Variants in H4C1 observed in about 807,000 individuals in gnomAD.
H4C1 encodes the protein histone H4.
A neutral mutation model predicts 4.4 loss-of-function variants in H4C1; 9 were observed. The observed-to-expected ratio is 2.05, with a 90% CI of 1.23 to 3.57. H4C1 has a LOEUF of 3.57. Among genes scored for constraint, H4C1 ranks in the 30% most tolerant of loss-of-function variants. The pLI, the probability that H4C1 is intolerant of heterozygous loss-of-function variation, is 0.00. For synonymous variants in H4C1, 74 were observed against 57.9 expected, an observed-to-expected ratio of 1.28 and a Z score of -1.27; for missense variants, 124 against 148.8, an observed-to-expected ratio of 0.83 and a Z score of 0.87.
rs1485175588 is a variant in H4C1, at chr6:26,021,887, C to T, written c.209C>T (p.Ala70Val). ...KVFLENVIRDAVTYTEHAKRK... is the reference protein window; with the variant it reads ...KVFLENVIRDVVTYTEHAKRK... The stretch of plus-strand genomic sequence containing the variant: ...TTTTTGGAGAACGTGATCCGTGACG[C>T]TGTCACCTATACGGAGCACGCCAAG... Residue 70 changes from alanine to valine, a missense_variant, in exon 1 of 1, where the codon GCT (alanine) becomes GTT (valine). Physicochemically the swap from Ala to Val is moderately conservative, Grantham distance 64. Coordinates refer to ENST00000617569, the MANE Select transcript of H4C1 (RefSeq NM_003538.4). 1.9e-6 allele frequency: 3 copies of T among 1,614,252 alleles called. No individual in the cohort carries two copies. The highest frequency in any genetic ancestry group is 2.5e-6 in the Non-Finnish European group (3 of 1,180,046).
In H4C1 at chr6:26,021,925, A is replaced by C; in HGVS notation, c.247A>C (p.Thr83Pro). 1 of 1,613,742 alleles carries C rather than the reference A, an allele frequency of 6.2e-7. No individual in the cohort carries two copies. The highest frequency in any genetic ancestry group is 2.2e-5 in the East Asian group (1 of 44,886). ...YTEHAKRKTV[T>P]AMDVVYALKR... is the part of the protein sequence containing the mutation. ...GGAGCACGCCAAGCGCAAGACAGTC[A>C]CTGCCATGGACGTGGTCTACGCGCT... The change falls in exon 1 of 1, where the codon ACT becomes CCT. Residue 83 changes from threonine to proline, a missense_variant. Physicochemically the swap from Thr to Pro is conservative, Grantham distance 38 (BLOSUM62 -1). Coordinates refer to ENST00000617569, the MANE Select transcript of H4C1 (RefSeq NM_003538.4).
At position 26,021,996 on chromosome 6, in the gene H4C1, C is replaced by G. The variant is rs1314515438; in HGVS notation, c.*6C>G. ...TTTATGGCTTTGGCGGTTAAGGTTG[C>G]TGATTTCTCCACAGCTTGCATTTCT... On this transcript the variant is annotated 3_prime_UTR_variant, in exon 1 of 1. Transcript: ENST00000617569. 1.3e-6 allele frequency: 2 copies of G among 1,563,584 alleles called. No homozygotes were observed. The highest frequency in any genetic ancestry group is 1.2e-5 in the South Asian group (1 of 83,382).
rs776045633 is a variant in H4C1 at position 26,021,716 on chromosome 6, AG to A, written c.44del (p.Gly15ValfsTer30). On this transcript the variant is annotated frameshift_variant, in exon 1 of 1. Coordinates refer to ENST00000617569, the MANE Select transcript of H4C1 (RefSeq NM_003538.4). LOFTEE classifies it high-confidence loss of function. ...GGTAAGGGCGGGAAGGGTTTGGGTA[AG>A]GGGGGTGCCAAGCGCCACCGCAAGG... ...GRGKGGKGLG[K>X]GGAKRHRKVL... 5.6e-6 allele frequency: 9 copies of A among 1,613,092 alleles called. No individual in the cohort carries two copies. Among genetic ancestry groups the A allele is most frequent in the Non-Finnish European group, 7.6e-6 (9 of 1,179,362 alleles).
chr6:26,021,942 C>T lies in H4C1; in HGVS notation c.264C>T (p.Val88=), dbSNP rs1401312943. ...KRKTVTAMDV[V]YALKRQGRTL... is the part of the protein sequence containing the mutation. ...AGACAGTCACTGCCATGGACGTGGT[C>T]TACGCGCTTAAGCGCCAGGGACGCA... The change falls in exon 1 of 1, where the codon GTC becomes GTT. Residue 88 remains valine, a synonymous_variant. Coordinates refer to ENST00000617569, the MANE Select transcript of H4C1 (RefSeq NM_003538.4). The T allele has an allele frequency of 1.9e-6, 3 of 1,611,974 alleles. No individual in the cohort carries two copies. The highest frequency in any genetic ancestry group is 2.7e-5 in the African/African-American group (2 of 74,914).
Position 26,021,860 on chromosome 6 carries a change from T to A in H4C1, c.182T>A (p.Val61Glu), listed in dbSNP as rs940049929. Residue 61 changes from valine to glutamate, a missense_variant, in exon 1 of 1, where the codon GTG (valine) becomes GAG (glutamate). Val to Glu is a moderately radical substitution (Grantham distance 121). Coordinates refer to ENST00000617569, the MANE Select transcript of H4C1 (RefSeq NM_003538.4). ...IYEETRGVLK[V>E]FLENVIRDAV... The stretch of plus-strand genomic sequence containing the variant: ...GAGGAGACTCGCGGGGTGCTCAAGG[T>A]GTTTTTGGAGAACGTGATCCGTGAC... 6.2e-7 allele frequency: 1 copy of A among 1,614,204 alleles called. No individual in the cohort carries two copies. Among genetic ancestry groups the A allele is most frequent in the Non-Finnish European group, 8.5e-7 (1 of 1,180,040 alleles).
Position 26,021,903 on chromosome 6 carries a change from G to T in H4C1, c.225G>T (p.Glu75Asp), listed in dbSNP as rs777486826. 6.2e-7 allele frequency: 1 copy of T among 1,614,062 alleles called. No individual in the cohort carries two copies. Among genetic ancestry groups the T allele is most frequent in the Non-Finnish European group, 8.5e-7 (1 of 1,179,940 alleles). Reference protein sequence around the residue: ...NVIRDAVTYTEHAKRKTVTAM... With the variant: ...NVIRDAVTYTDHAKRKTVTAM... ...TCCGTGACGCTGTCACCTATACGGAGCACGCCAAGCGCAAGACAGTCACTG... is the reference window on the plus strand; with the variant it reads ...TCCGTGACGCTGTCACCTATACGGATCACGCCAAGCGCAAGACAGTCACTG... The change falls in exon 1 of 1, where the codon GAG becomes GAT. Residue 75 changes from glutamate to aspartate, a missense_variant. Coordinates refer to ENST00000617569, the MANE Select transcript of H4C1 (RefSeq NM_003538.4).
Position 26,021,942 on chromosome 6 carries a change from C to A in H4C1, c.264C>A (p.Val88=). Residue 88 remains valine (V), a synonymous_variant, in exon 1 of 1, where the codon GTC becomes GTA. Transcript: ENST00000617569. ...KRKTVTAMDV[V]YALKRQGRTL... is the part of the protein sequence containing the mutation. ...AGACAGTCACTGCCATGGACGTGGTCTACGCGCTTAAGCGCCAGGGACGCA... is the reference window on the plus strand; with the variant it reads ...AGACAGTCACTGCCATGGACGTGGTATACGCGCTTAAGCGCCAGGGACGCA... 1 of 1,612,108 alleles carries A rather than the reference C, an allele frequency of 6.2e-7. No individual in the cohort carries two copies. Among genetic ancestry groups the A allele is most frequent in the African/African-American group, 1.3e-5 (1 of 75,038 alleles).
At position 26,021,716 on chromosome 6, in the gene H4C1, A is replaced by AG. The variant is rs776045633; in HGVS notation, c.44dup (p.Ala16CysfsTer10). 2.1e-5 allele frequency: 34 copies of AG among 1,612,978 alleles called. No individual in the cohort carries two copies. Among genetic ancestry groups the AG allele is most frequent in the East Asian group, 4.5e-5 (2 of 44,872 alleles). ...GGTAAGGGCGGGAAGGGTTTGGGTA[A>AG]GGGGGGTGCCAAGCGCCACCGCAAG... On this transcript the variant is annotated frameshift_variant, in exon 1 of 1. Transcript: ENST00000617569. LOFTEE classifies it high-confidence loss of function.
Position 26,021,715 on chromosome 6 carries a change from A to T in H4C1, c.37A>T (p.Lys13Ter). 1 of 1,612,960 alleles carries T rather than the reference A, an allele frequency of 6.2e-7. No homozygotes were observed. Among genetic ancestry groups the T allele is most frequent in the Non-Finnish European group, 8.5e-7 (1 of 1,179,270 alleles). ...GRGKGGKGLG[K>*]GGAKRHRKVL... ...TGGTAAGGGCGGGAAGGGTTTGGGT[A>T]AGGGGGGTGCCAAGCGCCACCGCAA... Residue 13 changes from lysine (K) to a stop codon, truncating the protein, a stop_gained, in exon 1 of 1, where the codon AAG becomes TAG. Transcript: ENST00000617569. LOFTEE classifies it high-confidence loss of function.
Position 26,022,008 on chromosome 6 carries a change from C to G in H4C1, c.*18C>G. On this transcript the variant is annotated 3_prime_UTR_variant, in exon 1 of 1. Transcript: ENST00000617569. Reference sequence around the variant, plus strand: ...GCGGTTAAGGTTGCTGATTTCTCCACAGCTTGCATTTCTGAACCAAAGGCC... The same window carrying G: ...GCGGTTAAGGTTGCTGATTTCTCCAGAGCTTGCATTTCTGAACCAAAGGCC... 3.2e-6 allele frequency: 5 copies of G among 1,549,774 alleles called. No homozygotes were observed. The highest frequency in any genetic ancestry group is 3.5e-6 in the Non-Finnish European group (4 of 1,148,064).
At position 26,021,733 on chromosome 6, in the gene H4C1, C is replaced by T; in HGVS notation, c.55C>T (p.His19Tyr). 1 of 1,614,026 alleles carries T rather than the reference C, an allele frequency of 6.2e-7. No homozygotes were observed. Among genetic ancestry groups the T allele is most frequent in the Non-Finnish European group, 8.5e-7 (1 of 1,179,908 alleles). Residue 19 changes from histidine (H) to tyrosine (Y), a missense_variant, in exon 1 of 1, where the codon CAC (histidine) becomes TAC (tyrosine). Transcript: ENST00000617569. ...TTTGGGTAAGGGGGGTGCCAAGCGC[C>T]ACCGCAAGGTGTTGCGTGACAACAT... ...KGLGKGGAKR[H>Y]RKVLRDNIQG...
Position 26,022,030 on chromosome 6 carries a change from G to A in H4C1, c.*40G>A, listed in dbSNP as rs781203365. ...CCACAGCTTGCATTTCTGAACCAAA[G>A]GCCCTTTTCAGGGCCGCCCAACTAA... On this transcript the variant is annotated 3_prime_UTR_variant, in exon 1 of 1. Transcript: ENST00000617569. The A allele has an allele frequency of 2.6e-6, 4 of 1,526,530 alleles. No individual in the cohort carries two copies. Among genetic ancestry groups the A allele is most frequent in the South Asian group, 1.3e-5 (1 of 76,226 alleles). The allele number at this position is 1,526,530 out of a possible 1,614,324, so 94.6% of individuals were successfully genotyped here.
Position 26,021,758 on chromosome 6 carries a change from T to C in H4C1, c.80T>C (p.Ile27Thr), listed in dbSNP as rs1240280091. ...KRHRKVLRDN[I>T]QGITKPAIRR... ...CACCGCAAGGTGTTGCGTGACAACA[T>C]CCAGGGCATCACCAAGCCGGCCATC... Residue 27 changes from isoleucine to threonine, a missense_variant, in exon 1 of 1, where the codon ATC (isoleucine) becomes ACC (threonine). Coordinates refer to ENST00000617569, the MANE Select transcript of H4C1 (RefSeq NM_003538.4). 19 of 1,614,096 alleles carry C rather than the reference T, an allele frequency of 1.2e-5. No homozygotes were observed. The highest frequency in any genetic ancestry group is 1.4e-5 in the Non-Finnish European group (17 of 1,180,036).
chr6:26,021,713 G>A lies in H4C1; in HGVS notation c.35G>A (p.Gly12Asp), dbSNP rs755588266. Reference protein sequence around the residue: ...SGRGKGGKGLGKGGAKRHRKV... With the variant: ...SGRGKGGKGLDKGGAKRHRKV... ...CGTGGTAAGGGCGGGAAGGGTTTGG[G>A]TAAGGGGGGTGCCAAGCGCCACCGC... The change falls in exon 1 of 1, where the codon GGT becomes GAT. Residue 12 changes from glycine (G) to aspartate (D), a missense_variant. Transcript: ENST00000617569. The A allele has an allele frequency of 6.2e-6, 10 of 1,612,732 alleles. No individual in the cohort carries two copies. The highest frequency in any genetic ancestry group is 8.5e-6 in the Non-Finnish European group (10 of 1,179,140).
chr6:26,022,002 T>C lies in H4C1; in HGVS notation c.*12T>C, dbSNP rs1361954565. ...GCTTTGGCGGTTAAGGTTGCTGATT[T>C]CTCCACAGCTTGCATTTCTGAACCA... On this transcript the variant is annotated 3_prime_UTR_variant, in exon 1 of 1. Transcript: ENST00000617569. The C allele has an allele frequency of 6.4e-7, 1 of 1,553,268 alleles. No homozygotes were observed. The highest frequency in any genetic ancestry group is 8.7e-7 in the Non-Finnish European group (1 of 1,149,586).
Position 26,021,704 on chromosome 6 carries a change from A to G in H4C1, c.26A>G (p.Lys9Arg). 1 of 1,610,224 alleles carries G rather than the reference A, an allele frequency of 6.2e-7. No homozygotes were observed. Among genetic ancestry groups the G allele is most frequent in the Non-Finnish European group, 8.5e-7 (1 of 1,177,462 alleles). ...ATGTCTGGACGTGGTAAGGGCGGGA[A>G]GGGTTTGGGTAAGGGGGGTGCCAAG... MSGRGKGG[K>R]GLGKGGAKRH... Residue 9 changes from lysine to arginine, a missense_variant, in exon 1 of 1, where the codon AAG becomes AGG. Coordinates refer to ENST00000617569, the MANE Select transcript of H4C1 (RefSeq NM_003538.4).
rs1298879999 is a variant in H4C1, at chr6:26,022,050, A to T, written c.*60A>T. On this transcript the variant is annotated 3_prime_UTR_variant, in exon 1 of 1. Transcript: ENST00000617569. ...CCAAAGGCCCTTTTCAGGGCCGCCC[A>T]ACTAAACAAAAGAAGAGCTGTATCC... The T allele has an allele frequency of 6.9e-7, 1 of 1,448,244 alleles. No homozygotes were observed. Among genetic ancestry groups the T allele is most frequent in the Non-Finnish European group, 9.3e-7 (1 of 1,071,728 alleles). The allele number at this position is 1,448,244 out of a possible 1,614,324, so 89.7% of individuals were successfully genotyped here. A position where few individuals can be genotyped will look rare whatever the true frequency, so the allele number is the denominator to read the frequency against.
Position 26,021,898 on chromosome 6 carries a change from A to G in H4C1, c.220A>G (p.Thr74Ala). 6.2e-7 allele frequency: 1 copy of G among 1,614,190 alleles called. No individual in the cohort carries two copies. The highest frequency in any genetic ancestry group is 1.1e-5 in the South Asian group (1 of 91,080). ...CGTGATCCGTGACGCTGTCACCTAT[A>G]CGGAGCACGCCAAGCGCAAGACAGT... ...ENVIRDAVTY[T>A]EHAKRKTVTA... Residue 74 changes from threonine (T) to alanine (A), a missense_variant, in exon 1 of 1, where the codon ACG becomes GCG. Thr to Ala is a moderately conservative substitution (Grantham distance 58, BLOSUM62 0). Transcript: ENST00000617569.
In H4C1 at chr6:26,021,910, A is replaced by C; in HGVS notation, c.232A>C (p.Lys78Gln). ...RDAVTYTEHA[K>Q]RKTVTAMDVV... ...CGCTGTCACCTATACGGAGCACGCC[A>C]AGCGCAAGACAGTCACTGCCATGGA... The change falls in exon 1 of 1, where the codon AAG (lysine) becomes CAG (glutamine). Residue 78 changes from lysine to glutamine, a missense_variant. Physicochemically the swap from Lys to Gln is moderately conservative, Grantham distance 53. Coordinates refer to ENST00000617569, the MANE Select transcript of H4C1 (RefSeq NM_003538.4). The C allele has an allele frequency of 6.2e-7, 1 of 1,614,184 alleles. No homozygotes were observed. Among genetic ancestry groups the C allele is most frequent in the Non-Finnish European group, 8.5e-7 (1 of 1,179,990 alleles).
Sources: gnomAD v4.1 joint callset for allele counts on GRCh38, gnomAD v4.1.1 for gene constraint, MANE v1.5 for transcripts, NCBI Gene and HGNC (gene_info 2026-07-23, HGNC 2026-07-21) for gene names.